The following SAMD5 variants were observed in gnomAD, a reference collection of about 807,000 sequenced individuals.
The protein encoded by SAMD5 is sterile alpha motif domain containing 5.
Under a neutral mutation model 11.3 loss-of-function variants are expected in SAMD5, and 13 were observed. The ratio of observed to expected loss-of-function variants is 1.15; its 90% CI spans 0.75 to 1.83. The LOEUF is 1.83. SAMD5 is among the 40% of genes most tolerant of loss of function. SAMD5 has a pLI of 0.00. For missense variants in SAMD5, 255 were observed against 239.1 expected (o/e 1.07, Z -0.44); for synonymous variants, 129 against 111.3 (o/e 1.16, Z -1.00).
chr6:147,658,688 C>T (rs1011613304), intron 1 of SAMD5, among the ~76,000 whole-genome samples: 3 of 151,054 alleles, frequency 2.0e-5, no homozygotes, highest in East Asian at 1.9e-4. Context: ...CAAGTCAGAA[C>T]GTGGGTGGAA....
At chr6:147,539,504 C>T (rs1788565645) in intron 1 of SAMD5, among the ~76,000 whole-genome samples, 1 of 152,148 alleles carries the variant, frequency 6.6e-6, no homozygotes, top group Non-Finnish European at 1.5e-5. Flanking sequence ...TCAGATATCA[C>T]AGTGCAAAAC....
At chr6:147,805,528 G>GAGAAA in the SAMD5 span, among the ~76,000 whole-genome samples, 2 of 152,170 alleles carry the variant, frequency 1.3e-5, no homozygotes, top group Admixed American at 1.3e-4. Flanking sequence ...AGAAGAAAAA[G>GAGAAA]AGAAAAGAAA....
chr6:147,521,453 T>C (rs1463369069), intron 1 of SAMD5, among the ~76,000 whole-genome samples: 3 of 152,150 alleles, frequency 2.0e-5, no homozygotes, highest in African/African-American at 7.2e-5. Flanking sequence ...AAAATTCTTA[T>C]ATTTTCTGCC....
the SAMD5 span, among the ~76,000 whole-genome samples, chr6:147,821,602 A>G: frequency 8.5e-5 from 13 of 152,326 alleles, no homozygotes; most frequent in African/African-American, 3.1e-4. Flanking sequence ...ATACGATTCT[A>G]CAAGTCTGTA....
chr6:147,897,343 T>TGG, the SAMD5 span, among the ~76,000 whole-genome samples: 1 of 152,172 alleles, frequency 6.6e-6, no homozygotes, highest in African/African-American at 2.4e-5. Flanking sequence ...CTTCTTGAAC[T>TGG]GCATCACCAG....
intron 1 of SAMD5, among the ~76,000 whole-genome samples, chr6:147,717,449 T>C (rs549161273): frequency 7.9e-5 from 12 of 152,288 alleles, no homozygotes; most frequent in African/African-American, 2.9e-4. Context: ...CAGTGAGGAA[T>C]GGACGGACTC....
chr6:147,883,344 G>C, the SAMD5 span, among the ~76,000 whole-genome samples: 1 of 152,204 alleles, frequency 6.6e-6, no homozygotes, highest in Non-Finnish European at 1.5e-5. Flanking sequence ...GCCCCTTGGA[G>C]TGGGTTGGAG....
chr6:147,744,148 T>G, the SAMD5 span, among the ~76,000 whole-genome samples: 1 of 152,226 alleles, frequency 6.6e-6, no homozygotes, highest in Non-Finnish European at 1.5e-5. Flanking sequence ...CATTTAATAT[T>G]CTTTCAATCT....
intron 1 of SAMD5, among the ~76,000 whole-genome samples, chr6:147,577,336 G>C (rs1441953272): frequency 1.3e-5 from 2 of 152,112 alleles, no homozygotes; most frequent in African/African-American, 4.8e-5. Context: ...ATACAAAGAA[G>C]AGTAATATTT....
intron 1 of SAMD5, among the ~76,000 whole-genome samples, chr6:147,640,737 G>C (rs1412696235): frequency 2.6e-5 from 4 of 152,110 alleles, no homozygotes; most frequent in Non-Finnish European, 4.4e-5. Context: ...GTATGATGAT[G>C]CTATTTCCTC....
At chr6:147,563,247 G>A (rs1788983173) in intron 1 of SAMD5, among the ~76,000 whole-genome samples, 1 of 152,112 alleles carries the variant, frequency 6.6e-6, no homozygotes, top group Non-Finnish European at 1.5e-5. Context: ...TTTGAGCAGG[G>A]GTGAAAATGG....
At chr6:147,585,316 G>A (rs1789358751) in intron 1 of SAMD5, among the ~76,000 whole-genome samples, 1 of 152,152 alleles carries the variant, frequency 6.6e-6, no homozygotes, top group African/African-American at 2.4e-5. Flanking sequence ...CAGAGGGAAT[G>A]GAGACAGGAA....
At position 147,583,057 on chromosome 6, in the gene SAMD5, A is replaced by G. The variant is rs112287154; in HGVS notation, c.162+73670A>G. On this transcript the variant is annotated intron_variant, in intron 1 of 1. Coordinates refer to the SAMD5 transcript ENST00000566741. ...ATATAAATAAACATTAAAAGACTTA[A>G]AGATTTCTTAAAGCAACATACCCTT... 9.2e-3 allele frequency among the ~76,000 whole-genome samples: 1,401 copies of G among 152,352 alleles called. 14 individuals carry two copies. Among genetic ancestry groups the G allele is most frequent in the Middle Eastern group, 0.024 (7 of 294 alleles).
At chr6:147,877,940 T>TTTTTTTTTTCTTTTTG in the SAMD5 span, among the ~76,000 whole-genome samples, 23,441 of 98,948 alleles carry the variant, frequency 0.24, 3,348 homozygotes, top group Non-Finnish European at 0.29. Context: ...GATAGATAGA[T>TTTTTTTTTTCTTTTTG]AGATAGACTC....
At chr6:147,825,802 T>G in the SAMD5 span, among the ~76,000 whole-genome samples, 2 of 152,232 alleles carry the variant, frequency 1.3e-5, no homozygotes, top group African/African-American at 4.8e-5. Context: ...TCACATAGAT[T>G]TACTTATTCA....
chr6:147,824,057 C>T, the SAMD5 span, among the ~76,000 whole-genome samples: 2 of 152,210 alleles, frequency 1.3e-5, no homozygotes, highest in East Asian at 3.8e-4. Flanking sequence ...GAGGAAAATG[C>T]AGACCATCCC....
the SAMD5 span, among the ~76,000 whole-genome samples, chr6:147,873,942 T>C: frequency 6.6e-6 from 1 of 152,152 alleles, no homozygotes; most frequent in South Asian, 2.1e-4. Context: ...AACTTATACA[T>C]AGGAAAAATA....
the SAMD5 span, among the ~76,000 whole-genome samples, chr6:147,866,222 A>G: frequency 6.6e-6 from 1 of 152,158 alleles, no homozygotes; most frequent in Non-Finnish European, 1.5e-5. Context: ...TGATCAATTT[A>G]TAACTTGTCC....
At position 147,509,157 on chromosome 6, in the gene SAMD5, G is replaced by A; in HGVS notation, c.229G>A (p.Glu77Lys). The change falls in exon 1 of 2, where the codon GAG becomes AAG. Residue 77 changes from glutamate (E) to lysine (K), a missense_variant. By Grantham distance (56) the Glu-to-Lys change is moderately conservative. Coordinates refer to ENST00000367474, the MANE Select transcript of SAMD5 (RefSeq NM_001030060.3). ...ANAAGLYFTL[E>K]PQPAPPGPPA... Reference sequence around the variant, plus strand: ...CGCCGCCGGCCTCTACTTCACGCTTGAGCCGCAGCCGGCGCCCCCCGGGCC... The same window carrying A: ...CGCCGCCGGCCTCTACTTCACGCTTAAGCCGCAGCCGGCGCCCCCCGGGCC... The A allele has an allele frequency of 7.8e-6, 11 of 1,403,990 alleles. No individual in the cohort carries two copies. Among genetic ancestry groups the A allele is most frequent in the Non-Finnish European group, 1.0e-5 (11 of 1,078,178 alleles). The allele number at this position is 1,403,990 out of a possible 1,614,324, so 87.0% of individuals were successfully genotyped here.
Sources: allele counts gnomAD v4.1 joint callset (sites outside exome capture counted in the v4.1 genomes callset), GRCh38; gene constraint gnomAD v4.1.1; transcripts MANE v1.5; gene names NCBI Gene and HGNC (gene_info 2026-07-23, HGNC 2026-07-21).